The following FAM13A variants were observed in gnomAD, a reference collection of about 807,000 sequenced individuals.
FAM13A encodes the protein protein FAM13A.
Under a neutral mutation model 129.6 loss-of-function variants are expected in FAM13A, and 76 were observed. The observed-to-expected ratio is 0.59, with a 90% CI of 0.49 to 0.71. The LOEUF (loss-of-function observed/expected upper bound fraction) is 0.71, where lower values mean the gene tolerates loss of function less well. FAM13A is among the 30% of genes least tolerant of loss of function. The probability of loss-of-function intolerance (pLI) is 0.00; values close to 1 mark genes in which losing one functional copy is unlikely to be tolerated. For missense variants in FAM13A, 1,108 were observed against 1,249.3 expected (o/e 0.89, Z 1.70); for synonymous variants, 443 against 449.9 (o/e 0.98, Z 0.20).
intron 4 of FAM13A, among the ~76,000 whole-genome samples, chr4:88,985,641 G>T (rs548538233): frequency 7.8e-4 from 118 of 152,172 alleles, no homozygotes; most frequent in African/African-American, 2.7e-3. Flanking sequence ...GGGAATTAGG[G>T]CTATCTAATG....
At chr4:88,828,060 G>C (rs929118169) in intron 7 of FAM13A, among the ~76,000 whole-genome samples, 1 of 152,098 alleles carries the variant, frequency 6.6e-6, no homozygotes, top group Non-Finnish European at 1.5e-5. Flanking sequence ...CCTCTGTCTG[G>C]AATATTTTCC....
At chr4:89,050,189 G>A (rs551766212) in intron 1 of FAM13A, among the ~76,000 whole-genome samples, 3 of 152,054 alleles carry the variant, frequency 2.0e-5, no homozygotes, top group Admixed American at 2.0e-4. Flanking sequence ...CAAAACTCAT[G>A]TCCTTTCTTT....
intron 4 of FAM13A, among the ~76,000 whole-genome samples, chr4:88,959,220 T>C (rs922877300): frequency 6.6e-6 from 1 of 152,230 alleles, no homozygotes; most frequent in African/African-American, 2.4e-5. Flanking sequence ...GGCATGATTG[T>C]ATTCTGCAAT....
intron 4 of FAM13A, among the ~76,000 whole-genome samples, chr4:88,982,739 C>A (rs902700666): frequency 2.6e-5 from 4 of 152,104 alleles, no homozygotes; most frequent in Admixed American, 6.5e-5. Context: ...TTGGGGATTT[C>A]CTTAGAAAAA....
intron 2 of FAM13A, among the ~76,000 whole-genome samples, chr4:89,025,542 G>A (rs1052308155): frequency 6.6e-6 from 1 of 152,094 alleles, no homozygotes; most frequent in African/African-American, 2.4e-5. Context: ...GGGATTACAG[G>A]CGTGAGCCAC....
chr4:88,972,635 T>A (rs551310821), intron 4 of FAM13A, among the ~76,000 whole-genome samples: 1 of 150,856 alleles, frequency 6.6e-6, no homozygotes, highest in South Asian at 2.1e-4. Flanking sequence ...GAGAACAGAG[T>A]CTCACTCTGT....
chr4:88,871,773 C>A (rs2150078681), intron 6 of FAM13A, among the ~76,000 whole-genome samples: 1 of 152,220 alleles, frequency 6.6e-6, no homozygotes, highest in South Asian at 2.1e-4. Flanking sequence ...GGCCAACATT[C>A]AAATTCAGGA....
At chr4:88,876,486 C>T (rs1041877093) in intron 6 of FAM13A, among the ~76,000 whole-genome samples, 11 of 151,992 alleles carry the variant, frequency 7.2e-5, no homozygotes, top group East Asian at 1.9e-4. Context: ...TAATAAAAAA[C>T]GATGTAAAAC....
At chr4:88,848,975 C>T (rs1418220529) in intron 7 of FAM13A, among the ~76,000 whole-genome samples, 1 of 152,138 alleles carries the variant, frequency 6.6e-6, no homozygotes, top group Non-Finnish European at 1.5e-5. Flanking sequence ...CTTCCAGGGG[C>T]ACCCTTATCT....
chr4:88,749,848 G>A lies in FAM13A; in HGVS notation c.2002C>T (p.Leu668Phe), dbSNP rs2149470512. Reference protein sequence around the residue: ...DEQEDLTPAQLTRRIQSLKKK... With the variant: ...DEQEDLTPAQFTRRIQSLKKK... ...TTAAGGCTCTGAATCCTTCGTGTGA[G>A]CTGGGCAGGTGTCAGGTCCTCTTGC... The change falls in exon 16 of 24, where the codon CTC becomes TTC. Residue 668 changes from leucine (L) to phenylalanine (F), a missense_variant. Leu to Phe is a conservative substitution (Grantham distance 22, BLOSUM62 0). This residue lies in a region of FAM13A where 529 missense variants were observed against 621.2 expected (regional missense o/e 0.85). Coordinates refer to ENST00000264344, the MANE Select transcript of FAM13A (RefSeq NM_014883.4). 1.9e-6 allele frequency: 3 copies of A among 1,614,126 alleles called. No individual in the cohort carries two copies. Among genetic ancestry groups the A allele is most frequent in the East Asian group, 2.2e-5 (1 of 44,886 alleles).
chr4:88,922,823 AG>A (rs1254278691), intron 5 of FAM13A, among the ~76,000 whole-genome samples: 5 of 152,226 alleles, frequency 3.3e-5, no homozygotes, highest in African/African-American at 1.2e-4. Context: ...AAAGAAAAAA[AG>A]AGAGAAGAAT....
chr4:88,845,468 G>A (rs1030039623), intron 7 of FAM13A, among the ~76,000 whole-genome samples: 3 of 152,148 alleles, frequency 2.0e-5, no homozygotes, highest in Non-Finnish European at 4.4e-5. Flanking sequence ...GCCCAGGAAG[G>A]AGACTTTGAG....
chr4:88,941,724 G>A (rs752880690), intron 4 of FAM13A, among the ~76,000 whole-genome samples: 6 of 152,130 alleles, frequency 3.9e-5, no homozygotes, highest in Admixed American at 3.9e-4. Flanking sequence ...TGAGAATCCT[G>A]TGTAAGTTCC....
At chr4:88,920,000 G>C (rs1447500837) in intron 5 of FAM13A, among the ~76,000 whole-genome samples, 1 of 152,172 alleles carries the variant, frequency 6.6e-6, no homozygotes, top group Non-Finnish European at 1.5e-5. Context: ...TGGGGGATGG[G>C]CGCCTGCCAT....
intron 13 of FAM13A, among the ~76,000 whole-genome samples, chr4:88,767,146 G>A (rs948483319): frequency 2.0e-5 from 3 of 152,162 alleles, no homozygotes; most frequent in Non-Finnish European, 4.4e-5. Flanking sequence ...TTGGATTAAA[G>A]TAACTCAAAG....
At chr4:88,872,035 C>G (rs1741502039) in intron 6 of FAM13A, among the ~76,000 whole-genome samples, 1 of 152,112 alleles carries the variant, frequency 6.6e-6, no homozygotes, top group Non-Finnish European at 1.5e-5. Context: ...ATTTCATATC[C>G]AGCCAAACTA....
intron 2 of FAM13A, among the ~76,000 whole-genome samples, chr4:89,023,510 T>C (rs1767557154): frequency 6.6e-6 from 1 of 151,988 alleles, no homozygotes; most frequent in South Asian, 2.1e-4. Context: ...CCCAAATAAA[T>C]ATACTTCCAG....
chr4:88,958,660 G>A (rs1232545526), intron 4 of FAM13A, among the ~76,000 whole-genome samples: 1 of 152,248 alleles, frequency 6.6e-6, no homozygotes, highest in Non-Finnish European at 1.5e-5. Context: ...TGAGCCCTCA[G>A]AGAGAACTTC....
At chr4:88,782,430 A>G (rs1031451497) in intron 10 of FAM13A, among the ~76,000 whole-genome samples, 4 of 152,132 alleles carry the variant, frequency 2.6e-5, no homozygotes, top group Non-Finnish European at 4.4e-5. Flanking sequence ...CTCCCTAAAC[A>G]CCTAAAACTG....
Sources: allele counts gnomAD v4.1 joint callset (sites outside exome capture counted in the v4.1 genomes callset), GRCh38; gene constraint gnomAD v4.1.1; regional missense constraint gnomAD v4.1.1; transcripts MANE v1.5; gene names NCBI Gene and HGNC (gene_info 2026-07-23, HGNC 2026-07-21).